Variants in LAP3 observed in about 807,000 individuals in gnomAD.
LAP3 encodes the protein leucine aminopeptidase 3, also known as cytosol aminopeptidase.
A neutral mutation model predicts 58.8 loss-of-function variants in LAP3; 46 were observed. The ratio of observed to expected loss-of-function variants is 0.78; its 90% CI spans 0.62 to 1.00. The LOEUF is 1.00. Among genes scored for constraint, LAP3 ranks in the 50% least tolerant of loss-of-function variants. The probability of loss-of-function intolerance (pLI) is 0.00; values close to 1 mark genes in which losing one functional copy is unlikely to be tolerated. For missense variants in LAP3, 615 were observed against 659.1 expected (o/e 0.93, Z 0.73); for synonymous variants, 257 against 237.7 (o/e 1.08, Z -0.75).
intron 10 of LAP3, among the ~76,000 whole-genome samples, chr4:17,603,384 A>G (rs779893187): frequency 2.0e-5 from 3 of 152,144 alleles, no homozygotes; most frequent in Non-Finnish European, 4.4e-5. Context: ...TGGGCTGGGC[A>G]TGATAGCTCA....
In LAP3 at chr4:17,606,892, G is replaced by A; in HGVS notation, c.1324G>A (p.Val442Ile). ...TCTCTTCGAACATTATACAAGACAG[G>A]TTGTAGATTGCCAGCTTGCTGATGT... ...MPLFEHYTRQVVDCQLADVNN... is the reference protein window; with the variant it reads ...MPLFEHYTRQIVDCQLADVNN... Residue 442 changes from valine to isoleucine, a missense_variant, in exon 12 of 13, where the codon GTT (valine) becomes ATT (isoleucine). Val to Ile is a conservative substitution (Grantham distance 29). Coordinates refer to ENST00000226299, the MANE Select transcript of LAP3 (RefSeq NM_015907.3). 1 of 1,613,526 alleles carries A rather than the reference G, an allele frequency of 6.2e-7. No homozygotes were observed.
intron 10 of LAP3, among the ~76,000 whole-genome samples, chr4:17,602,870 C>CG (rs1714013608): frequency 6.6e-6 from 1 of 151,650 alleles, no homozygotes; most frequent in Non-Finnish European, 1.5e-5. Context: ...TTAGTAGAGA[C>CG]GGGGTTTCAC....
intron 9 of LAP3, among the ~76,000 whole-genome samples, chr4:17,597,745 C>A (rs1051034494): frequency 6.6e-6 from 1 of 152,208 alleles, no homozygotes; most frequent in African/African-American, 2.4e-5. Flanking sequence ...TGTGGGCTAT[C>A]TTCTGGATAT....
At chr4:17,601,556 T>G (rs78481704) in intron 10 of LAP3, among the ~76,000 whole-genome samples, 1 of 152,134 alleles carries the variant, frequency 6.6e-6, no homozygotes, top group Non-Finnish European at 1.5e-5. Context: ...AAAGTATTAA[T>G]AGGTATGTAT....
At chr4:17,585,305 T>G (rs542088157) in intron 6 of LAP3, 169 bp downstream of exon 6, 4 of 561,568 alleles carry the variant, frequency 7.1e-6, no homozygotes, top group Non-Finnish European at 1.3e-5. Flanking sequence ...TTGAGGTTCT[T>G]TCTATCTTTC....
intron 1 of LAP3, among the ~76,000 whole-genome samples, chr4:17,578,647 G>A (rs1560340344): frequency 1.3e-5 from 2 of 152,188 alleles, no homozygotes; most frequent in African/African-American, 4.8e-5. Context: ...TTGCCATGAG[G>A]CAGACAAAAC....
chr4:17,606,734 GAAC>G, intron 11 of LAP3, 92 bp from the exon 12 acceptor site: 2 of 722,208 alleles, frequency 2.8e-6, no homozygotes, highest in Non-Finnish European at 4.8e-6. Flanking sequence ...TAACAGGTTA[GAAC>G]AACTCTTCCT....
Position 17,577,499 on chromosome 4 carries a change from G to A in LAP3, c.34G>A (p.Val12Ile), listed in dbSNP as rs952328506. 1.3e-6 allele frequency: 2 copies of A among 1,585,546 alleles called. No homozygotes were observed. Among genetic ancestry groups the A allele is most frequent in the African/African-American group, 1.3e-5 (1 of 74,144 alleles). The change falls in exon 1 of 13, where the codon GTA (valine) becomes ATA (isoleucine). Residue 12 changes from valine to isoleucine, a missense_variant. Physicochemically the swap from Val to Ile is conservative, Grantham distance 29. Transcript: ENST00000226299. ...GCTGCCTCTTCCGGCTGCGGGGCGA[G>A]TAGTCGTCCGACGTCTGGCCGTGAG... is the stretch of plus-strand genomic sequence containing the variant. ...FLLPLPAAGR[V>I]VVRRLAVRRF...
intron 9 of LAP3, 47 bp downstream of exon 9, chr4:17,597,181 A>AATCCCGTGGTGGCCACAT: frequency 6.6e-7 from 1 of 1,506,180 alleles, no homozygotes; most frequent in Non-Finnish European, 9.2e-7. Flanking sequence ...GTTCCTCAGG[A>AATCCCGTGGTGGCCACAT]ATCCCGTGGT....
intron 5 of LAP3, 66 bp downstream of exon 5, chr4:17,583,708 A>G (rs965987840): frequency 7.6e-6 from 12 of 1,578,908 alleles, no homozygotes; most frequent in Admixed American, 6.8e-5. Context: ...CTTTTGGGAT[A>G]TGAGCTGCCT....
intron 9 of LAP3, among the ~76,000 whole-genome samples, chr4:17,597,410 G>A (rs116060172): frequency 0.024 from 3,660 of 152,248 alleles, 163 homozygotes; most frequent in African/African-American, 0.084. Context: ...CTGAGTAGCT[G>A]GGACCACAGG....
At position 17,577,519 on chromosome 4, in the gene LAP3, C is replaced by A. The variant is rs750652649; in HGVS notation, c.54C>A (p.Ala18=). 1 of 1,586,806 alleles carries A rather than the reference C, an allele frequency of 6.3e-7. No individual in the cohort carries two copies. Among genetic ancestry groups the A allele is most frequent in the East Asian group, 2.3e-5 (1 of 43,358 alleles). Residue 18 remains alanine, a synonymous_variant, in exon 1 of 13, where the codon GCC becomes GCA. Coordinates refer to ENST00000226299, the MANE Select transcript of LAP3 (RefSeq NM_015907.3). ...GGCGAGTAGTCGTCCGACGTCTGGC[C>A]GTGAGACGTTTCGGGAGCCGGAGTC... The part of the protein sequence containing the change: ...AAGRVVVRRL[A]VRRFGSRSLS...
At position 17,590,923 on chromosome 4, in the gene LAP3, C is replaced by CT. The variant is rs533480552; in HGVS notation, c.863+1971dup. The stretch of plus-strand genomic sequence containing the variant: ...AGCAAACACAATTTAGAAAGTTAAA[C>CT]TTTTTTTTTTTTTTTTTTTTTTTTT... On this transcript the variant is annotated intron_variant, in intron 7 of 12. Transcript: ENST00000226299. 2.2e-3 allele frequency among the ~76,000 whole-genome samples: 175 copies of CT among 81,184 alleles called. 1 individual carries two copies. Among genetic ancestry groups the CT allele is most frequent in the African/African-American group, 2.9e-3 (59 of 20,216 alleles). The allele number at this position is 81,184 out of a possible 152,430, so 53.3% of individuals were successfully genotyped here.
At chr4:17,602,784 A>C (rs962624437) in intron 10 of LAP3, among the ~76,000 whole-genome samples, 2 of 151,954 alleles carry the variant, frequency 1.3e-5, no homozygotes, top group African/African-American at 4.8e-5. Context: ...TCCTGGGTTC[A>C]AGCCATTCTC....
Position 17,607,551 on chromosome 4 carries a change from A to G in LAP3, c.1522A>G (p.Ile508Val). 1 of 1,613,796 alleles carries G rather than the reference A, an allele frequency of 6.2e-7. No homozygotes were observed. The highest frequency in any genetic ancestry group is 8.5e-7 in the Non-Finnish European group (1 of 1,179,944). Residue 508 changes from isoleucine to valine, a missense_variant, in exon 13 of 13, where the codon ATT (isoleucine) becomes GTT (valine). Ile to Val is a conservative substitution (Grantham distance 29). Transcript: ENST00000226299. ...GACTGGGAGGCCCACAAGGACTCTC[A>G]TTGAGTTCTTACTTCGTTTCAGTCA... Reference protein sequence around the residue: ...GMTGRPTRTLIEFLLRFSQDN... With the variant: ...GMTGRPTRTLVEFLLRFSQDN...
chr4:17,593,968 T>G (rs1233112244), intron 7 of LAP3, among the ~76,000 whole-genome samples: 1 of 151,988 alleles, frequency 6.6e-6, no homozygotes, highest in Non-Finnish European at 1.5e-5. Flanking sequence ...TGAGATAGAT[T>G]TTGTGTGTGT....
In LAP3 at chr4:17,589,077, T is replaced by C. The variant is rs996642669; in HGVS notation, c.863+100T>C. ...TTTTTGGTTTGATTTTTTTTTTTTT[T>C]TGAGGCAGAGTCTCACCCTGTCACC... On this transcript the variant is annotated intron_variant, in intron 7 of 12. Transcript: ENST00000226299. 15 of 1,292,610 alleles carry C rather than the reference T, an allele frequency of 1.2e-5. No individual in the cohort carries two copies. The African/African-American group carries it at 2.0e-4, about 17-fold the overall frequency. 80.1% of individuals were successfully genotyped at this position (1,292,610 alleles called of 1,614,324 possible).
intron 7 of LAP3, among the ~76,000 whole-genome samples, chr4:17,592,931 C>T (rs183120185): frequency 6.6e-5 from 10 of 152,186 alleles, no homozygotes; most frequent in Middle Eastern, 3.4e-3. Context: ...CCCGAGTAGC[C>T]GGGACTATAG....
intron 10 of LAP3, among the ~76,000 whole-genome samples, chr4:17,601,524 A>G (rs1230048430): frequency 6.6e-6 from 1 of 151,400 alleles, no homozygotes; most frequent in South Asian, 2.1e-4. Flanking sequence ...GTGAATAATT[A>G]TATAAAAAAC....
Sources: gnomAD v4.1 joint callset for allele counts (sites outside exome capture counted in the v4.1 genomes callset) on GRCh38, gnomAD v4.1.1 for gene constraint, MANE v1.5 for transcripts, NCBI Gene and HGNC (gene_info 2026-07-23, HGNC 2026-07-21) for gene names.